Variants in CFAP61 observed in about 807,000 individuals in gnomAD.
CFAP61 encodes cilia- and flagella-associated protein 61.
In CFAP61, 107 loss-of-function variants were observed where a neutral mutation model predicts 135.6. The ratio of observed to expected loss-of-function variants is 0.79; its 90% CI spans 0.67 to 0.93. CFAP61 has a LOEUF of 0.93. Ranked by LOEUF, CFAP61 falls within the 40% of genes least tolerant of loss-of-function variation. CFAP61 has a pLI of 0.00. For synonymous variants in CFAP61, 575 were observed against 578.5 expected (o/e 0.99, Z 0.09); for missense variants, 1,507 against 1,556.2 (o/e 0.97, Z 0.53).
intron 8 of CFAP61, among the ~76,000 whole-genome samples, chr20:20,138,769 A>G (rs1299036199): frequency 1.3e-5 from 2 of 152,176 alleles, no homozygotes; most frequent in Admixed American, 6.5e-5. Context: ...GGAAGCTTCT[A>G]TTTGATCATT....
intron 8 of CFAP61, among the ~76,000 whole-genome samples, chr20:20,120,290 T>C (rs6081881): frequency 0.1 from 15,230 of 152,256 alleles, 1,006 homozygotes; most frequent in Non-Finnish European, 0.15. Context: ...ACTTTCCTGT[T>C]AGTACTGCTT....
At chr20:20,108,003 G>A (rs1449222293) in intron 8 of CFAP61, among the ~76,000 whole-genome samples, 2 of 152,082 alleles carry the variant, frequency 1.3e-5, no homozygotes, top group Non-Finnish European at 2.9e-5. Context: ...CACAAAAGTA[G>A]TTATATAAAA....
chr20:20,173,018 C>T (rs2876567), intron 13 of CFAP61, among the ~76,000 whole-genome samples: 136,915 of 152,188 alleles, frequency 0.9, 62,407 homozygotes, highest in Middle Eastern at 0.99. Flanking sequence ...CAGAATGTCA[C>T]AAAGTTGGAA....
intron 18 of CFAP61, among the ~76,000 whole-genome samples, chr20:20,231,465 G>C (rs1346631044): frequency 2.0e-5 from 3 of 152,078 alleles, no homozygotes; most frequent in African/African-American, 7.3e-5. Context: ...ATCCCCAGCA[G>C]AGCCGAGGAG....
chr20:20,215,284 A>G (rs756278461), intron 17 of CFAP61: 5 of 152,188 alleles, frequency 3.3e-5, no homozygotes, highest in Non-Finnish European at 7.3e-5. Flanking sequence ...AAGCAAATAA[A>G]TAATTAGTTC....
chr20:20,328,337 A>T (rs2057843441), intron 25 of CFAP61, among the ~76,000 whole-genome samples: 1 of 152,166 alleles, frequency 6.6e-6, no homozygotes. Context: ...CATATTTCAG[A>T]TGTATTTTAG....
intron 21 of CFAP61, among the ~76,000 whole-genome samples, chr20:20,273,435 C>G (rs1434951928): frequency 6.6e-6 from 1 of 152,102 alleles, no homozygotes; most frequent in African/African-American, 2.4e-5. Context: ...CTGGATAGTT[C>G]TTATAGTGCC....
intron 2 of CFAP61, among the ~76,000 whole-genome samples, chr20:20,062,985 T>C (rs1008525897): frequency 2.6e-5 from 4 of 152,206 alleles, no homozygotes; most frequent in African/African-American, 9.7e-5. Context: ...ATTGGGGACC[T>C]GTATAAAAAA....
At chr20:20,335,051 G>A (rs894960028) in intron 25 of CFAP61, among the ~76,000 whole-genome samples, 1 of 152,226 alleles carries the variant, frequency 6.6e-6, no homozygotes, top group African/African-American at 2.4e-5. Flanking sequence ...ACCTGACAGT[G>A]TGAATGCAAA....
chr20:20,321,064 A>T (rs751732856), intron 25 of CFAP61, among the ~76,000 whole-genome samples: 1 of 152,064 alleles, frequency 6.6e-6, no homozygotes. Flanking sequence ...TAAAAGTTAT[A>T]CAAGAAAGGC....
chr20:20,284,132 A>G (rs1388331752), intron 22 of CFAP61, among the ~76,000 whole-genome samples: 1 of 152,158 alleles, frequency 6.6e-6, no homozygotes, highest in African/African-American at 2.4e-5. Flanking sequence ...GGTTAGATTT[A>G]GGTCTACCAT....
chr20:20,324,293 G>T (rs1244624648), intron 25 of CFAP61, among the ~76,000 whole-genome samples: 1 of 151,994 alleles, frequency 6.6e-6, no homozygotes, highest in East Asian at 1.9e-4. Context: ...CCTCCGCTCA[G>T]TCCCACTCCT....
chr20:20,221,617 T>A (rs1282713532), intron 17 of CFAP61: 1 of 152,196 alleles, frequency 6.6e-6, no homozygotes, highest in East Asian at 1.9e-4. Context: ...GCAATTTACG[T>A]GCCCTTCAAT....
In CFAP61 at chr20:20,156,877, A is replaced by G. The variant is rs143070063; in HGVS notation, c.952-2493A>G. On this transcript the variant is annotated intron_variant, in intron 9 of 26. Coordinates refer to ENST00000245957, the MANE Select transcript of CFAP61 (RefSeq NM_015585.4). ...ACCTAAATACATGGAGAGATATTCT[A>G]TGTTCGTGGGATATTGAATCTTTAA... is the stretch of plus-strand genomic sequence containing the variant. Among the ~76,000 whole-genome samples, 46 of 152,334 alleles carry G rather than the reference A, an allele frequency of 3.0e-4. No homozygotes were observed. In the East Asian group the frequency reaches 6.6e-3, roughly 22 times the overall value.
chr20:20,319,302 T>A (rs544663496), intron 25 of CFAP61, among the ~76,000 whole-genome samples: 2 of 152,358 alleles, frequency 1.3e-5, no homozygotes, highest in African/African-American at 4.8e-5. Flanking sequence ...ACCTAAGAGA[T>A]AATGAGGCAA....
chr20:20,344,816 C>A (rs1469551366), intron 26 of CFAP61, among the ~76,000 whole-genome samples: 1 of 152,112 alleles, frequency 6.6e-6, no homozygotes, highest in Non-Finnish European at 1.5e-5. Flanking sequence ...TTTATTGCAG[C>A]ACTACTCACA....
Position 20,140,597 on chromosome 20 carries a change from C to T in CFAP61, c.860-2260C>T, listed in dbSNP as rs112882805. On this transcript the variant is annotated intron_variant, in intron 8 of 26. Transcript: ENST00000245957. ...TGGAGAGGATGTGGAGAAATATGAA[C>T]ACTTTTACACTGTTGATGGGACTAT... Among the ~76,000 whole-genome samples, 196 of 152,238 alleles carry T rather than the reference C, an allele frequency of 1.3e-3. 2 individuals carry two copies. Among genetic ancestry groups the T allele is most frequent in the African/African-American group, 4.4e-3 (183 of 41,514 alleles).
At chr20:20,185,998 T>C (rs2055471838) in intron 13 of CFAP61, among the ~76,000 whole-genome samples, 1 of 152,242 alleles carries the variant, frequency 6.6e-6, no homozygotes, top group Admixed American at 6.5e-5. Context: ...GCATTACATA[T>C]ATTTTTGTAA....
At chr20:20,114,847 G>C (rs1473166445) in intron 8 of CFAP61, among the ~76,000 whole-genome samples, 1 of 152,084 alleles carries the variant, frequency 6.6e-6, no homozygotes, top group African/African-American at 2.4e-5. Flanking sequence ...CATCATTAAG[G>C]ATAACTTTGT....
Sources: gnomAD v4.1 joint callset for allele counts (sites outside exome capture counted in the v4.1 genomes callset) on GRCh38, gnomAD v4.1.1 for gene constraint, MANE v1.5 for transcripts, NCBI Gene and HGNC (gene_info 2026-07-23, HGNC 2026-07-21) for gene names.